MYOM3: variants seen among roughly 807,000 people sequenced by gnomAD.
MYOM3 encodes myomesin 3.
MYOM3 carries 155 observed loss-of-function variants against 191.7 expected under a neutral mutation model. That is an observed-to-expected ratio of 0.81 (90% confidence interval 0.71 to 0.92). MYOM3 has a LOEUF of 0.92. MYOM3 is among the 40% of genes least tolerant of loss of function. The pLI is 0.00. For synonymous variants in MYOM3, 757 were observed against 762.9 expected (o/e 0.99, Z 0.13); for missense variants, 1,889 against 1,890.6 (o/e 1.00, Z 0.02).
intron 7 of MYOM3, 69 bp from the exon 8 acceptor site, chr1:24,095,555 A>G (rs1314990871): frequency 1.4e-6 from 2 of 1,431,130 alleles, no homozygotes; most frequent in Non-Finnish European, 1.9e-6. Context: ...TTTTGGGGAC[A>G]TGGGCTTTGG....
At chr1:24,088,663 C>T (rs1259618802) in intron 14 of MYOM3, among the ~76,000 whole-genome samples, 1 of 152,184 alleles carries the variant, frequency 6.6e-6, no homozygotes, top group Non-Finnish European at 1.5e-5. Context: ...CCAGAGATTC[C>T]TCCCTGGAAA....
At chr1:24,096,989 G>C (rs2148558365) in intron 7 of MYOM3, among the ~76,000 whole-genome samples, 1 of 152,372 alleles carries the variant, frequency 6.6e-6, no homozygotes, top group African/African-American at 2.4e-5. Flanking sequence ...GGGAAGTGAG[G>C]TGGCTTCCCA....
Position 24,089,634 on chromosome 1 carries a change from A to T in MYOM3, c.1518T>A (p.Asn506Lys). The T allele has an allele frequency of 6.3e-7, 1 of 1,593,004 alleles. No individual in the cohort carries two copies. Among genetic ancestry groups the T allele is most frequent in the Non-Finnish European group, 8.5e-7 (1 of 1,170,060 alleles). The change falls in exon 14 of 37, where the codon AAT becomes AAA. Residue 506 changes from asparagine to lysine, a missense_variant. By Grantham distance (94) the Asn-to-Lys change is moderately conservative. Coordinates refer to ENST00000374434, the MANE Select transcript of MYOM3 (RefSeq NM_152372.4). ...DTVTIPSPPTNVHASEIREAY... is the reference protein window; with the variant it reads ...DTVTIPSPPTKVHASEIREAY... ...CCTCTCGGATCTCGCTGGCATGGAC[A>T]TTGGTTGGCGGTGAGGGGATGGTCA...
intron 27 of MYOM3, among the ~76,000 whole-genome samples, chr1:24,067,380 CTTT>C: frequency 9.5e-6 from 1 of 105,810 alleles, no homozygotes; most frequent in Admixed American, 1.1e-4. Context: ...TTCCTTCTTT[CTTT>C]CTTTTTCCTT....
In MYOM3 at chr1:24,086,673, C is replaced by G. The variant is rs754175843; in HGVS notation, c.1769G>C (p.Ser590Thr). Residue 590 changes from serine (S) to threonine (T), a missense_variant, in exon 15 of 37, where the codon AGC becomes ACC. Physicochemically the swap from Ser to Thr is moderately conservative, Grantham distance 58. Coordinates refer to ENST00000374434, the MANE Select transcript of MYOM3 (RefSeq NM_152372.4). ...QYGLSDPSEP[S>T]EPIALRGPPA... is the part of the protein sequence containing the mutation. ...CGGGCCCCGCAAGGCGATGGGTTCG[C>G]TGGGCTCCGAGGGATCGCTCAGGCC... The G allele has an allele frequency of 1.5e-5, 24 of 1,613,998 alleles. No individual in the cohort carries two copies. In the Admixed American group the frequency reaches 1.7e-4, roughly 11 times the overall value.
At chr1:24,072,398 C>T (rs768333940) in intron 23 of MYOM3, among the ~76,000 whole-genome samples, 4 of 152,192 alleles carry the variant, frequency 2.6e-5, no homozygotes, top group Non-Finnish European at 5.9e-5. Flanking sequence ...CCACTGGTGC[C>T]AGGGCCTTAT....
chr1:24,068,516 T>A (rs1643482844), intron 25 of MYOM3, 149 bp from the exon 26 acceptor site: 1 of 813,452 alleles, frequency 1.2e-6, no homozygotes, highest in African/African-American at 1.7e-5. Context: ...CCTCTGCTGC[T>A]CCCCCCACAC....
At chr1:24,094,362 G>C (rs1450783568) in intron 9 of MYOM3, among the ~76,000 whole-genome samples, 1 of 151,916 alleles carries the variant, frequency 6.6e-6, no homozygotes, top group African/African-American at 2.4e-5. Context: ...AGTAAAGATG[G>C]GGTTTTGCCA....
chr1:24,067,035 G>T lies in MYOM3; in HGVS notation c.3409C>A (p.Gln1137Lys). The T allele has an allele frequency of 6.4e-7, 1 of 1,574,124 alleles. No individual in the cohort carries two copies. ...GCAGGACTTGCCTTGCACGTCAGCT[G>T]CACTTGGCAGTCCTCCGTGACCTTC... ...QWKVTEDCQV[Q>K]LTCKVTNTKK... Residue 1137 changes from glutamine to lysine, a missense_variant, in exon 28 of 37, where the codon CAG becomes AAG. Transcript: ENST00000374434.
chr1:24,095,128 G>C (rs894442992), intron 8 of MYOM3, 138 bp from the exon 9 acceptor site: 4 of 908,592 alleles, frequency 4.4e-6, no homozygotes, highest in Non-Finnish European at 6.6e-6. Context: ...CTTGGGGTAG[G>C]AGGGGAAGAG....
intron 18 of MYOM3, 94 bp downstream of exon 18, chr1:24,081,907 T>C: frequency 8.0e-7 from 1 of 1,245,436 alleles, no homozygotes; most frequent in Non-Finnish European, 1.1e-6. Context: ...TTGAGACTTC[T>C]GTCAGCCTCT....
chr1:24,089,812 G>A, intron 13 of MYOM3, 147 bp from the exon 14 acceptor site: 2 of 1,022,162 alleles, frequency 2.0e-6, no homozygotes, highest in Non-Finnish European at 1.4e-6. Context: ...CAGCAATGCT[G>A]GGCAGAGCCG....
At chr1:24,066,861 T>A in intron 28 of MYOM3, 160 bp downstream of exon 28, 1 of 631,560 alleles carries the variant, frequency 1.6e-6, no homozygotes, top group Non-Finnish European at 2.7e-6. Context: ...GCTTTTTGGG[T>A]TACGTGTGGT....
rs764514795 is a variant in MYOM3 at position 24,058,940 on chromosome 1, G to A, written c.4034C>T (p.Thr1345Ile). The A allele has an allele frequency of 3.4e-5, 55 of 1,611,516 alleles. No homozygotes were observed. Among genetic ancestry groups the A allele is most frequent in the Non-Finnish European group, 4.4e-5 (52 of 1,179,178 alleles). The change falls in exon 36 of 37, where the codon ACT (threonine) becomes ATT (isoleucine). Residue 1345 changes from threonine to isoleucine, a missense_variant. By Grantham distance (89) the Thr-to-Ile change is moderately conservative. Transcript: ENST00000374434. ...KVVRGLPDVA[T>I]IMEDKTLCLT... ...GGTCAGTACCTTATCTTCCATGATA[G>A]TGGCCACATCCGGCAGACCTCTCAC...
At chr1:24,077,572 G>A (rs994778762) in intron 20 of MYOM3, among the ~76,000 whole-genome samples, 2 of 152,190 alleles carry the variant, frequency 1.3e-5, no homozygotes, top group African/African-American at 4.8e-5. Context: ...ATTCCAGGAA[G>A]CACCTCTCAC....
At position 24,086,549 on chromosome 1, in the gene MYOM3, G is replaced by A. The variant is rs528010779; in HGVS notation, c.1798+95C>T. On this transcript the variant is annotated intron_variant, in intron 15 of 36. Transcript: ENST00000374434. The stretch of plus-strand genomic sequence containing the variant: ...CTTCATGATGGGTAGAAGGGAGCGG[G>A]GACAGGGAAGTGGGCAGGGCTTTGT... 1.9e-5 allele frequency: 24 copies of A among 1,281,130 alleles called. No individual in the cohort carries two copies. In the African/African-American group the frequency reaches 2.1e-4, roughly 11 times the overall value. The allele number at this position is 1,281,130 out of a possible 1,614,324, so 79.4% of individuals were successfully genotyped here.
chr1:24,099,594 G>C, intron 6 of MYOM3, 86 bp downstream of exon 6: 3 of 1,066,116 alleles, frequency 2.8e-6, no homozygotes, highest in Non-Finnish European at 4.4e-6. Context: ...TTGGGCCTCA[G>C]CTCCGAGGAA....
chr1:24,070,367 C>A (rs965106063), intron 25 of MYOM3, among the ~76,000 whole-genome samples: 3 of 151,886 alleles, frequency 2.0e-5, no homozygotes, highest in Non-Finnish European at 2.9e-5. Flanking sequence ...AGGAGGATTG[C>A]CTGAGTTCAG....
At chr1:24,106,540 C>G (rs915716009) in intron 4 of MYOM3, among the ~76,000 whole-genome samples, 14 of 152,150 alleles carry the variant, frequency 9.2e-5, no homozygotes, top group African/African-American at 3.4e-4. Flanking sequence ...AATCCCACCT[C>G]AGCACTGAGA....
Sources: gnomAD v4.1 joint callset for allele counts (sites outside exome capture counted in the v4.1 genomes callset) on GRCh38, gnomAD v4.1.1 for gene constraint, MANE v1.5 for transcripts, NCBI Gene and HGNC (gene_info 2026-07-23, HGNC 2026-07-21) for gene names.